Variants in WDR43 observed in about 807,000 individuals in gnomAD.
WDR43 encodes WD repeat domain 43.
A neutral mutation model predicts 91.4 loss-of-function variants in WDR43; 13 were observed. The ratio of observed to expected loss-of-function variants is 0.14; its 90% CI spans 0.09 to 0.23. The LOEUF is 0.23. Among genes scored for constraint, WDR43 ranks in the 10% least tolerant of loss-of-function variants. The pLI is 1.00. For missense variants in WDR43, 780 were observed against 809.4 expected, an observed-to-expected ratio of 0.96 and a Z score of 0.44; for synonymous variants, 331 against 287.9, an observed-to-expected ratio of 1.15 and a Z score of -1.51.
At chr2:28,944,321 C>T (rs1671502581) in intron 16 of WDR43, among the ~76,000 whole-genome samples, 1 of 152,038 alleles carries the variant, frequency 6.6e-6, no homozygotes, top group African/African-American at 2.4e-5. Context: ...AATGGATGGG[C>T]ATTTGTAAAC....
At chr2:28,906,652 C>T in intron 3 of WDR43, 71 bp downstream of exon 3, 1 of 1,527,372 alleles carries the variant, frequency 6.5e-7, no homozygotes, top group Non-Finnish European at 8.8e-7. Context: ...GGAATGCAGA[C>T]ATTAATAAGG....
intron 6 of WDR43, among the ~76,000 whole-genome samples, chr2:28,919,262 T>G (rs1417601959): frequency 6.7e-6 from 1 of 149,602 alleles, no homozygotes; most frequent in East Asian, 2.0e-4. Context: ...TCTCAGTAAA[T>G]AAGTAAATAA....
intron 11 of WDR43, among the ~76,000 whole-genome samples, chr2:28,931,992 C>T (rs1411317865): frequency 6.6e-6 from 1 of 151,424 alleles, no homozygotes; most frequent in African/African-American, 2.4e-5. Flanking sequence ...CCTGCCACCT[C>T]AGCCTCCTGA....
At chr2:28,915,400 C>T (rs933213562) in intron 5 of WDR43, among the ~76,000 whole-genome samples, 1 of 152,100 alleles carries the variant, frequency 6.6e-6, no homozygotes, top group African/African-American at 2.4e-5. Flanking sequence ...ACCAGGGTCC[C>T]CTGGCATTAT....
At chr2:28,917,767 T>C in intron 5 of WDR43, 126 bp from the exon 6 acceptor site, 2 of 794,004 alleles carry the variant, frequency 2.5e-6, no homozygotes, top group Non-Finnish European at 4.0e-6. Context: ...ACTTTACTAG[T>C]TTTCAAAAGA....
chr2:28,921,723 CTTTTTT>C (rs1389614684), intron 6 of WDR43, among the ~76,000 whole-genome samples: 2 of 151,646 alleles, frequency 1.3e-5, no homozygotes, highest in African/African-American at 4.8e-5. Flanking sequence ...TTTTCTTTTT[CTTTTTT>C]GAGATGGGGT....
At position 28,948,181 on chromosome 2, in the gene WDR43, A is replaced by G. The variant is rs890682953; in HGVS notation, c.*1402A>G. 2 of 152,172 alleles carry G rather than the reference A, an allele frequency of 1.3e-5. No individual in the cohort carries two copies. The highest frequency in any genetic ancestry group is 4.8e-5 in the African/African-American group (2 of 41,438). The allele number at this position is 152,172 out of a possible 1,614,324, so 9.4% of individuals were successfully genotyped here. On this transcript the variant is annotated 3_prime_UTR_variant, in exon 18 of 18. Coordinates refer to ENST00000407426, the MANE Select transcript of WDR43 (RefSeq NM_015131.3). The stretch of plus-strand genomic sequence containing the variant: ...GAGCTGTTTATGGCAATTTAATACC[A>G]TTCTCTTTGTAAAGTGAATAAATAT...
At chr2:28,910,789 C>T (rs573127684) in intron 3 of WDR43, among the ~76,000 whole-genome samples, 159 of 151,716 alleles carry the variant, frequency 1.0e-3, no homozygotes, top group South Asian at 3.5e-3. Context: ...ACTCTGCCTC[C>T]GGGGTTCAAG....
chr2:28,936,070 G>A (rs1159018947), intron 12 of WDR43, among the ~76,000 whole-genome samples: 1 of 151,972 alleles, frequency 6.6e-6, no homozygotes, highest in Admixed American at 6.6e-5. Context: ...TCTGTGACTG[G>A]CAGTATGGAA....
intron 2 of WDR43, among the ~76,000 whole-genome samples, chr2:28,905,211 G>GGGATAAT (rs905381142): frequency 1.3e-5 from 2 of 152,152 alleles, no homozygotes; most frequent in African/African-American, 2.4e-5. Context: ...GGCATACTAG[G>GGGATAAT]GGATAATGGA....
intron 10 of WDR43, among the ~76,000 whole-genome samples, chr2:28,929,357 C>T (rs1445434542): frequency 6.6e-6 from 1 of 151,882 alleles, no homozygotes; most frequent in Non-Finnish European, 1.5e-5. Context: ...GCTTCTTGGG[C>T]CGTTGTTTTT....
intron 11 of WDR43, among the ~76,000 whole-genome samples, chr2:28,934,305 A>G (rs1370548522): frequency 1.3e-5 from 2 of 152,214 alleles, no homozygotes; most frequent in African/African-American, 4.8e-5. Context: ...AAGGGACCCA[A>G]GGAGACCCGA....
At chr2:28,936,974 T>G (rs1014834878) in intron 13 of WDR43, 21 bp downstream of exon 13, 1 of 1,560,850 alleles carries the variant, frequency 6.4e-7, no homozygotes, top group Admixed American at 1.9e-5. Context: ...ACAGGTGACT[T>G]AAAAACAGTG....
chr2:28,913,786 A>G, intron 4 of WDR43: 1 of 603,992 alleles, frequency 1.7e-6, no homozygotes, highest in Non-Finnish European at 3.2e-6. Context: ...AATTAAGTGA[A>G]TCTTTAATTC....
intron 7 of WDR43, among the ~76,000 whole-genome samples, chr2:28,924,058 T>C (rs1299786892): frequency 6.6e-6 from 1 of 152,152 alleles, no homozygotes; most frequent in African/African-American, 2.4e-5. Flanking sequence ...CATGAGATGC[T>C]TACACCTGGG....
intron 15 of WDR43, among the ~76,000 whole-genome samples, 190 bp downstream of exon 15, chr2:28,941,764 C>A (rs1441520393): frequency 6.6e-6 from 1 of 152,108 alleles, no homozygotes; most frequent in Non-Finnish European, 1.5e-5. Context: ...CACCACCATG[C>A]CTGGCTAATT....
intron 3 of WDR43, among the ~76,000 whole-genome samples, chr2:28,912,081 G>C (rs1445216963): frequency 2.0e-5 from 3 of 152,160 alleles, no homozygotes; most frequent in Non-Finnish European, 4.4e-5. Flanking sequence ...TCAGATTGGG[G>C]TACATTCATG....
chr2:28,929,488 C>G, intron 10 of WDR43, 91 bp from the exon 11 acceptor site: 1 of 1,148,364 alleles, frequency 8.7e-7, no homozygotes, highest in Non-Finnish European at 1.1e-6. Context: ...AGGTGTAAAT[C>G]TATTTTATTT....
Position 28,929,629 on chromosome 2 carries a change from A to G in WDR43, c.1356A>G (p.Lys452=), listed in dbSNP as rs766809051. ...CAATGGATATAGACACACACAAAAA[A>G]GGAAAGGAAGACCTCCAGACGAATA... ...LGAMDIDTHK[K]GKEDLQTNSF... is the part of the protein sequence containing the mutation. Residue 452 remains lysine, a synonymous_variant, in exon 11 of 18, where the codon AAA becomes AAG. Coordinates refer to ENST00000407426, the MANE Select transcript of WDR43 (RefSeq NM_015131.3). The G allele has an allele frequency of 1.2e-6, 2 of 1,613,798 alleles. No individual in the cohort carries two copies. The highest frequency in any genetic ancestry group is 2.2e-5 in the East Asian group (1 of 44,868).
Sources: gnomAD v4.1 joint callset for allele counts (sites outside exome capture counted in the v4.1 genomes callset) on GRCh38, gnomAD v4.1.1 for gene constraint, MANE v1.5 for transcripts, NCBI Gene and HGNC (gene_info 2026-07-23, HGNC 2026-07-21) for gene names.